CALN1: variants seen among roughly 807,000 people sequenced by gnomAD.
CALN1 encodes the protein calneuron 1, also known as calcium-binding protein 8.
In CALN1, 17 loss-of-function variants were observed where a neutral mutation model predicts 30.6. That is an observed-to-expected ratio of 0.56 (90% CI 0.38 to 0.83). CALN1 has a LOEUF of 0.83. Ranked by LOEUF, CALN1 falls within the 40% of genes least tolerant of loss-of-function variation. CALN1 has a pLI of 0.00. For missense variants in CALN1, 291 were observed against 354.9 expected (o/e 0.82, Z 1.45); for synonymous variants, 156 against 131.4 (o/e 1.19, Z -1.28).
intron 5 of CALN1, among the ~76,000 whole-genome samples, chr7:71,918,295 G>A (rs980397844): frequency 4.6e-5 from 7 of 152,186 alleles, no homozygotes; most frequent in Non-Finnish European, 8.8e-5. Context: ...TCGAAGAGTC[G>A]TGAGGCAGGT....
At chr7:72,313,388 A>T (rs910214355) in intron 2 of CALN1, among the ~76,000 whole-genome samples, 1 of 152,144 alleles carries the variant, frequency 6.6e-6, no homozygotes, top group Non-Finnish European at 1.5e-5. Flanking sequence ...TACTAGTTGT[A>T]TTAAGAAAAA....
At chr7:71,898,356 T>C (rs1226239822) in intron 5 of CALN1, among the ~76,000 whole-genome samples, 1 of 151,674 alleles carries the variant, frequency 6.6e-6, no homozygotes, top group East Asian at 1.9e-4. Context: ...AAAGAAAATA[T>C]CCCAAAATTT....
intron 2 of CALN1, among the ~76,000 whole-genome samples, chr7:72,311,772 C>T (rs1800072627): frequency 6.8e-6 from 1 of 146,748 alleles, no homozygotes; most frequent in Admixed American, 7.2e-5. Context: ...GCTGAGATTA[C>T]AGGCGTGAGC....
At chr7:71,907,458 C>T (rs1228287814) in intron 5 of CALN1, among the ~76,000 whole-genome samples, 3 of 152,136 alleles carry the variant, frequency 2.0e-5, no homozygotes, top group African/African-American at 7.2e-5. Context: ...ATGAAGCACA[C>T]CACACAGCAC....
the CALN1 span, among the ~76,000 whole-genome samples, chr7:72,489,870 T>C: frequency 6.6e-6 from 1 of 152,184 alleles, no homozygotes; most frequent in Non-Finnish European, 1.5e-5. Flanking sequence ...TGCTGGGACA[T>C]GTACCCCAAT....
At position 71,820,671 on chromosome 7, in the gene CALN1, T is replaced by C. The variant is rs182586681; in HGVS notation, c.502-10179A>G. The stretch of plus-strand genomic sequence containing the variant: ...CAGAATTGCTGAATCATACGGTAAT[T>C]CTATGTTTAAATTTTTCAGGAACAG... On this transcript the variant is annotated intron_variant, in intron 5 of 6. Transcript: ENST00000395275. Among the ~76,000 whole-genome samples, 562 of 152,316 alleles carry C rather than the reference T, an allele frequency of 3.7e-3. 4 individuals are homozygous for C. Among genetic ancestry groups the C allele is most frequent in the African/African-American group, 0.013 (523 of 41,566 alleles).
At chr7:72,217,439 T>A (rs1431048495) in intron 3 of CALN1, among the ~76,000 whole-genome samples, 1 of 151,988 alleles carries the variant, frequency 6.6e-6, no homozygotes, top group Non-Finnish European at 1.5e-5. Flanking sequence ...AATAAAGCGC[T>A]CTCCCTGGCC....
intron 3 of CALN1, among the ~76,000 whole-genome samples, chr7:72,208,493 T>C (rs896785411): frequency 1.3e-5 from 2 of 151,816 alleles, no homozygotes; most frequent in Non-Finnish European, 2.9e-5. Flanking sequence ...GGATGATATT[T>C]TGAAAACCAC....
intron 2 of CALN1, among the ~76,000 whole-genome samples, chr7:72,399,789 G>A (rs112571722): frequency 0.016 from 2,420 of 152,300 alleles, 29 homozygotes; most frequent in African/African-American, 0.032. Flanking sequence ...GTTGGAATGT[G>A]ATTCCGTGTT....
intron 3 of CALN1, among the ~76,000 whole-genome samples, chr7:72,206,277 A>C (rs886117016): frequency 2.0e-4 from 31 of 152,194 alleles, no homozygotes; most frequent in Non-Finnish European, 2.9e-5. Context: ...TTCTTCGAAA[A>C]TATAAATGGT....
At chr7:71,839,380 A>C (rs1313069006) in intron 5 of CALN1, among the ~76,000 whole-genome samples, 2 of 152,092 alleles carry the variant, frequency 1.3e-5, no homozygotes, top group Non-Finnish European at 1.5e-5. Flanking sequence ...ATAAATACAA[A>C]AAGTAGCTCG....
At chr7:72,060,010 A>G (rs541594806) in intron 4 of CALN1, among the ~76,000 whole-genome samples, 87 of 152,274 alleles carry the variant, frequency 5.7e-4, no homozygotes, top group African/African-American at 2.1e-3. Context: ...AGTTTGCTAC[A>G]GTTTTTCCTC....
intron 4 of CALN1, among the ~76,000 whole-genome samples, chr7:72,050,688 T>C (rs7803192): frequency 0.41 from 62,737 of 152,026 alleles, 14,349 homozygotes; most frequent in East Asian, 0.96. Context: ...TCAGATGTAA[T>C]TCATAACATT....
Position 72,396,251 on chromosome 7 carries a change from A to AAAG in CALN1, c.119+6999_119+7000insCTT, listed in dbSNP as rs1554399559. 5.9e-4 allele frequency among the ~76,000 whole-genome samples: 63 copies of AAAG among 106,516 alleles called. 1 individual carries two copies. The highest frequency in any genetic ancestry group is 3.1e-3 in the African/African-American group (62 of 20,240). The allele number at this position is 106,516 out of a possible 152,430, so 69.9% of individuals were successfully genotyped here. On this transcript the variant is annotated intron_variant, in intron 2 of 6. Transcript: ENST00000395275. ...TGTCTCTACTAAAAAAAAAAAAAAA[A>AAAG]AAAAAAGAAAGAAAAAGAAAAATTA...
chr7:71,921,514 T>C (rs1264737902), intron 5 of CALN1, among the ~76,000 whole-genome samples: 3 of 152,004 alleles, frequency 2.0e-5, no homozygotes, highest in Admixed American at 2.0e-4. Context: ...ATTATATAAA[T>C]GAGAAGAGAA....
intron 3 of CALN1, among the ~76,000 whole-genome samples, chr7:72,163,787 G>A (rs1373917689): frequency 3.9e-5 from 6 of 152,198 alleles, no homozygotes; most frequent in African/African-American, 1.4e-4. Flanking sequence ...TCAGTGACCT[G>A]TGAGACAATG....
intron 5 of CALN1, among the ~76,000 whole-genome samples, chr7:71,824,994 G>A (rs935810579): frequency 2.0e-5 from 3 of 152,188 alleles, no homozygotes; most frequent in African/African-American, 4.8e-5. Flanking sequence ...GAGCGCCAGC[G>A]TGACCAGGCC....
chr7:71,893,472 A>C (rs991752162), intron 5 of CALN1, among the ~76,000 whole-genome samples: 1 of 152,158 alleles, frequency 6.6e-6, no homozygotes, highest in Admixed American at 6.5e-5. Context: ...TGAGCGGATC[A>C]CTTGAGCCCA....
chr7:72,154,727 A>C (rs1028031107), intron 3 of CALN1, among the ~76,000 whole-genome samples: 1 of 152,102 alleles, frequency 6.6e-6, no homozygotes, highest in African/African-American at 2.4e-5. Flanking sequence ...GCTTAATCCG[A>C]TAAGGCTGGT....
Sources: gnomAD v4.1 joint callset for allele counts (sites outside exome capture counted in the v4.1 genomes callset) on GRCh38, gnomAD v4.1.1 for gene constraint, MANE v1.5 for transcripts, NCBI Gene and HGNC (gene_info 2026-07-23, HGNC 2026-07-21) for gene names.